GKAP1: variants seen among roughly 807,000 people sequenced by gnomAD.
GKAP1 encodes the protein G kinase anchoring protein 1.
Under a neutral mutation model 56.7 loss-of-function variants are expected in GKAP1, and 31 were observed. The observed-to-expected ratio is 0.55, with a 90% CI of 0.41 to 0.74. The LOEUF (loss-of-function observed/expected upper bound fraction) is 0.74, where lower values mean the gene tolerates loss of function less well. Among genes scored for constraint, GKAP1 ranks in the 30% least tolerant of loss-of-function variants. GKAP1 has a pLI of 0.00. For missense variants in GKAP1, 364 were observed against 402.3 expected, an observed-to-expected ratio of 0.90 and a Z score of 0.82; for synonymous variants, 151 against 138.6, an observed-to-expected ratio of 1.09 and a Z score of -0.63.
chr9:83,766,985 A>G (rs916293808), intron 8 of GKAP1, among the ~76,000 whole-genome samples: 3 of 151,480 alleles, frequency 2.0e-5, no homozygotes, highest in African/African-American at 4.9e-5. Flanking sequence ...TAGTGAAATT[A>G]CTACAAGTTT....
chr9:83,743,389 G>T lies in GKAP1; in HGVS notation c.905-789C>A, dbSNP rs149888374. Among the ~76,000 whole-genome samples the T allele has an allele frequency of 1.0e-2, 1,515 of 152,140 alleles. 24 individuals are homozygous for T. The highest frequency in any genetic ancestry group is 0.035 in the African/African-American group (1,465 of 41,496). On this transcript the variant is annotated intron_variant, in intron 10 of 12. Transcript: ENST00000376371. ...GCAGGCAGATCACCTGAGGTCAGGG[G>T]TTCAAAATCAGCCTGGCCAACATGG...
At chr9:83,762,398 G>A (rs932228022) in intron 8 of GKAP1, among the ~76,000 whole-genome samples, 3 of 152,076 alleles carry the variant, frequency 2.0e-5, no homozygotes, top group African/African-American at 7.2e-5. Flanking sequence ...GAACAAAACT[G>A]AAGAAGAGAT....
intron 9 of GKAP1, among the ~76,000 whole-genome samples, chr9:83,752,247 C>A (rs537837380): frequency 4.5e-4 from 68 of 152,130 alleles, no homozygotes; most frequent in African/African-American, 1.6e-3. Flanking sequence ...ACTAAAAATG[C>A]AAAAATTAGC....
intron 10 of GKAP1, among the ~76,000 whole-genome samples, chr9:83,744,325 C>T (rs908567154): frequency 2.1e-4 from 32 of 152,156 alleles, no homozygotes; most frequent in African/African-American, 6.8e-4. Context: ...CACTTATGTA[C>T]AATTTTATGA....
intron 3 of GKAP1, among the ~76,000 whole-genome samples, chr9:83,803,108 T>A (rs1401796776): frequency 6.6e-6 from 1 of 152,042 alleles, no homozygotes; most frequent in Non-Finnish European, 1.5e-5. Context: ...AGACCCCGTC[T>A]CAAAAAAACA....
intron 2 of GKAP1, 83 bp downstream of exon 2, chr9:83,816,913 A>G (rs2131337702): frequency 6.6e-6 from 1 of 152,052 alleles, no homozygotes; most frequent in East Asian, 1.9e-4. Flanking sequence ...GCTGTTCCAA[A>G]CAATAACAGA....
At chr9:83,805,047 G>C (rs1298597410) in intron 3 of GKAP1, among the ~76,000 whole-genome samples, 2 of 152,216 alleles carry the variant, frequency 1.3e-5, no homozygotes, top group African/African-American at 4.8e-5. Flanking sequence ...GTGGGGAAAA[G>C]ATTGAGAAAT....
chr9:83,803,989 C>CT (rs756675565), intron 3 of GKAP1, among the ~76,000 whole-genome samples: 36 of 151,322 alleles, frequency 2.4e-4, no homozygotes, highest in Admixed American at 5.2e-4. Context: ...GCCGCCCCGT[C>CT]TGAGAAGTGA....
At chr9:83,790,551 G>C (rs942039604) in intron 4 of GKAP1, among the ~76,000 whole-genome samples, 4 of 152,150 alleles carry the variant, frequency 2.6e-5, no homozygotes, top group African/African-American at 7.2e-5. Flanking sequence ...AGGAGGACGA[G>C]GTGGGCGGAT....
intron 2 of GKAP1, among the ~76,000 whole-genome samples, chr9:83,812,878 T>C (rs561145135): frequency 6.6e-6 from 1 of 152,288 alleles, no homozygotes; most frequent in East Asian, 1.9e-4. Flanking sequence ...CGAAGACTAA[T>C]ATGTTGCATA....
At chr9:83,771,894 T>C (rs185683325) in intron 7 of GKAP1, among the ~76,000 whole-genome samples, 11 of 152,248 alleles carry the variant, frequency 7.2e-5, no homozygotes, top group Admixed American at 7.2e-4. Flanking sequence ...TTCTAGCCAA[T>C]GTCCCTGCTT....
chr9:83,783,810 T>C (rs1944017679), intron 6 of GKAP1, among the ~76,000 whole-genome samples: 1 of 152,220 alleles, frequency 6.6e-6, no homozygotes, highest in South Asian at 2.1e-4. Context: ...TCAGTTTTTA[T>C]TTTCAGTAAG....
At chr9:83,757,131 T>C (rs1943490908) in intron 8 of GKAP1, among the ~76,000 whole-genome samples, 1 of 152,020 alleles carries the variant, frequency 6.6e-6, no homozygotes, top group Admixed American at 6.6e-5. Flanking sequence ...GAAAATTATA[T>C]CCAGGTTTTC....
Position 83,786,529 on chromosome 9 carries a change from G to A in GKAP1, c.439-1691C>T, listed in dbSNP as rs373542500. ...ACACTACAGCCTGGGCAACAACAGC[G>A]AAACTCTGTCTCAAAAAAAAAAAAG... On this transcript the variant is annotated intron_variant, in intron 5 of 12. Transcript: ENST00000376371. Among the ~76,000 whole-genome samples the A allele has an allele frequency of 2.6e-4, 36 of 139,444 alleles. No homozygotes were observed. The East Asian group carries it at 6.3e-3, about 24-fold the overall frequency. The allele number at this position is 139,444 out of a possible 152,430, so 91.5% of individuals were successfully genotyped here.
At chr9:83,795,643 G>A (rs906407433) in intron 4 of GKAP1, among the ~76,000 whole-genome samples, 8 of 142,662 alleles carry the variant, frequency 5.6e-5, no homozygotes, top group Middle Eastern at 7.5e-3. Flanking sequence ...CCAGGCTGAA[G>A]TGCACTGGCA....
chr9:83,814,428 G>A (rs1944554454), intron 2 of GKAP1, among the ~76,000 whole-genome samples: 1 of 152,156 alleles, frequency 6.6e-6, no homozygotes, highest in African/African-American at 2.4e-5. Flanking sequence ...TATCTATGAA[G>A]CGTTCTCTGA....
chr9:83,785,688 T>C (rs143582330), intron 5 of GKAP1, among the ~76,000 whole-genome samples: 10 of 152,350 alleles, frequency 6.6e-5, no homozygotes, highest in African/African-American at 2.4e-4. Flanking sequence ...CTTTGTACAT[T>C]CTGTCATTCC....
intron 11 of GKAP1, among the ~76,000 whole-genome samples, chr9:83,742,305 TTCATTAAAA>T (rs1943221653): frequency 6.6e-6 from 1 of 152,170 alleles, no homozygotes; most frequent in Non-Finnish European, 1.5e-5. Context: ...AAATTCATGG[TTCATTAAAA>T]TACAGCCTTA....
chr9:83,787,721 T>C (rs1944088801), intron 5 of GKAP1, among the ~76,000 whole-genome samples: 1 of 152,164 alleles, frequency 6.6e-6, no homozygotes, highest in Non-Finnish European at 1.5e-5. Flanking sequence ...CTCACACAAT[T>C]TAAATACGGA....
Sources: gnomAD v4.1 joint callset for allele counts (sites outside exome capture counted in the v4.1 genomes callset) on GRCh38, gnomAD v4.1.1 for gene constraint, MANE v1.5 for transcripts, NCBI Gene and HGNC (gene_info 2026-07-23, HGNC 2026-07-21) for gene names.